DYNC1LI1: variants seen among roughly 807,000 people sequenced by gnomAD.
DYNC1LI1 encodes dynein cytoplasmic 1 light intermediate chain 1.
Under a neutral mutation model 63.8 loss-of-function variants are expected in DYNC1LI1, and 19 were observed. The observed-to-expected ratio is 0.30, with a 90% confidence interval of 0.21 to 0.44. DYNC1LI1 has a LOEUF of 0.44. Among genes scored for constraint, DYNC1LI1 ranks in the 20% least tolerant of loss-of-function variants. The pLI is 1.00. For synonymous variants in DYNC1LI1, 225 were observed against 232.3 expected, an observed-to-expected ratio of 0.97 and a Z score of 0.28; for missense variants, 565 against 630.2, an observed-to-expected ratio of 0.90 and a Z score of 1.11.
In DYNC1LI1 at chr3:32,544,812, A is replaced by G. The variant is rs145780872; in HGVS notation, c.568+64T>C. ...CCTTTTTTATAGTCAAAAATTCCTA[A>G]TGATTAAAGTCAGCCAAGACATTTT... On this transcript the variant is annotated intron_variant, in intron 4 of 12. Transcript: ENST00000273130. 120 of 1,181,352 alleles carry G rather than the reference A, an allele frequency of 1.0e-4. 3 individuals are homozygous for G. The African/African-American group carries it at 1.4e-3, about 14-fold the overall frequency. 73.2% of individuals were successfully genotyped at this position (1,181,352 alleles called of 1,614,324 possible).
At chr3:32,560,127 A>C in intron 2 of DYNC1LI1, among the ~76,000 whole-genome samples, 1 of 152,154 alleles carries the variant, frequency 6.6e-6, no homozygotes, top group Non-Finnish European at 1.5e-5. Flanking sequence ...GCGAAAAGAC[A>C]AACCCAATTT....
At chr3:32,552,634 A>G (rs1698058071) in intron 2 of DYNC1LI1, among the ~76,000 whole-genome samples, 1 of 152,142 alleles carries the variant, frequency 6.6e-6, no homozygotes, top group African/African-American at 2.4e-5. Context: ...AGTACCTAAA[A>G]AGCACATGTG....
chr3:32,538,808 T>G (rs188880045), intron 5 of DYNC1LI1, among the ~76,000 whole-genome samples: 68 of 151,776 alleles, frequency 4.5e-4, no homozygotes, highest in Admixed American at 8.5e-4. Context: ...ATTTCCGGAG[T>G]CTTTAAACTG....
intron 2 of DYNC1LI1, among the ~76,000 whole-genome samples, chr3:32,552,215 C>T (rs757232759): frequency 5.9e-5 from 9 of 152,158 alleles, no homozygotes; most frequent in Non-Finnish European, 8.8e-5. Context: ...ATATTACCTC[C>T]TCAGGTAGGC....
Position 32,562,273 on chromosome 3 carries a change from AAAAT to A in DYNC1LI1, c.220+8069_220+8072del, listed in dbSNP as rs951656648. Among the ~76,000 whole-genome samples, 73 of 152,268 alleles carry A rather than the reference AAAAT, an allele frequency of 4.8e-4. 1 individual carries two copies. Among genetic ancestry groups the A allele is most frequent in the African/African-American group, 1.7e-3 (69 of 41,560 alleles). ...GCAAGACTTTCTCTCTAAAACATAA[AAAAT>A]AAATAAATAAGAAAAAATGAACACT... is the stretch of plus-strand genomic sequence containing the variant. On this transcript the variant is annotated intron_variant, in intron 2 of 12. Transcript: ENST00000273130.
chr3:32,554,375 A>G (rs1044374279), intron 2 of DYNC1LI1, among the ~76,000 whole-genome samples: 1 of 152,248 alleles, frequency 6.6e-6, no homozygotes, highest in Admixed American at 6.5e-5. Context: ...GTAGTATGTT[A>G]AACATAGTAG....
intron 2 of DYNC1LI1, among the ~76,000 whole-genome samples, chr3:32,558,688 A>G (rs956528278): frequency 5.3e-5 from 8 of 152,064 alleles, no homozygotes; most frequent in African/African-American, 1.9e-4. Flanking sequence ...TCTACTAAAA[A>G]TACAAAATTA....
chr3:32,552,731 G>A (rs1310127888), intron 2 of DYNC1LI1, among the ~76,000 whole-genome samples: 3 of 152,084 alleles, frequency 2.0e-5, no homozygotes, highest in Admixed American at 2.0e-4. Context: ...CGTTGAGACG[G>A]AGTCTCCCTC....
chr3:32,527,779 T>C (rs759444087), intron 12 of DYNC1LI1, among the ~76,000 whole-genome samples: 27 of 151,936 alleles, frequency 1.8e-4, no homozygotes, highest in Non-Finnish European at 3.1e-4. Context: ...AGTAAACAGA[T>C]AAATGAAATG....
intron 2 of DYNC1LI1, among the ~76,000 whole-genome samples, chr3:32,563,512 G>A (rs1001221029): frequency 2.0e-5 from 3 of 151,936 alleles, no homozygotes; most frequent in Admixed American, 2.0e-4. Context: ...GGCTGGTCTC[G>A]AACTCATGAC....
chr3:32,533,727 G>T (rs1427822077), intron 7 of DYNC1LI1, among the ~76,000 whole-genome samples: 1 of 151,688 alleles, frequency 6.6e-6, no homozygotes, highest in Admixed American at 6.6e-5. Flanking sequence ...ACATCTGGCT[G>T]ATTTTTAAAT....
intron 2 of DYNC1LI1, among the ~76,000 whole-genome samples, chr3:32,546,609 A>G (rs1051990687): frequency 2.0e-5 from 3 of 151,968 alleles, no homozygotes; most frequent in Non-Finnish European, 4.4e-5. Flanking sequence ...GGAATAAAAG[A>G]CTCTTACTCT....
At chr3:32,567,531 T>TTTATTATTA (rs71295031) in intron 2 of DYNC1LI1, among the ~76,000 whole-genome samples, 9 of 148,024 alleles carry the variant, frequency 6.1e-5, no homozygotes, top group Admixed American at 5.4e-4. Flanking sequence ...TTTTATTTTA[T>TTTATTATTA]TTATTATTAT....
chr3:32,529,325 A>G (rs1050120989), intron 11 of DYNC1LI1, among the ~76,000 whole-genome samples: 2 of 152,120 alleles, frequency 1.3e-5, no homozygotes, highest in East Asian at 1.9e-4. Context: ...TTGATTAAAT[A>G]TAACAAAACT....
chr3:32,533,511 T>C (rs570292244), intron 7 of DYNC1LI1, among the ~76,000 whole-genome samples: 96 of 151,658 alleles, frequency 6.3e-4, no homozygotes, highest in African/African-American at 2.3e-3. Flanking sequence ...ATGTCATTAG[T>C]GTTAACTTGG....
chr3:32,554,298 AG>A (rs1698082011), intron 2 of DYNC1LI1, among the ~76,000 whole-genome samples: 1 of 152,218 alleles, frequency 6.6e-6, no homozygotes, highest in Non-Finnish European at 1.5e-5. Flanking sequence ...AGTACTCTGT[AG>A]ATGTGTTTTA....
rs745645491 is a variant in DYNC1LI1 at position 32,570,739 on chromosome 3, C to A, written c.32G>T (p.Gly11Val). ...CGAGGATAATCCCGGCGGAGAAGAA[C>A]CGAAGGAGCCGACTCGCCCCACGGC... MAAVGRVGSF[G>V]SSPPGLSSTY... The change falls in exon 1 of 13, where the codon GGT becomes GTT. Residue 11 changes from glycine to valine, a missense_variant. By Grantham distance (109) the Gly-to-Val change is moderately radical (BLOSUM62 -3). Transcript: ENST00000273130. The A allele has an allele frequency of 6.2e-6, 10 of 1,606,906 alleles. No homozygotes were observed. The South Asian group carries it at 8.8e-5, about 14-fold the overall frequency.
chr3:32,561,059 A>G (rs1698187623), intron 2 of DYNC1LI1, among the ~76,000 whole-genome samples: 1 of 150,284 alleles, frequency 6.7e-6, no homozygotes, highest in Admixed American at 6.6e-5. Flanking sequence ...CACACACACC[A>G]AAGAAAACAT....
At chr3:32,569,663 G>C (rs1416475706) in intron 2 of DYNC1LI1, among the ~76,000 whole-genome samples, 1 of 151,900 alleles carries the variant, frequency 6.6e-6, no homozygotes, top group Non-Finnish European at 1.5e-5. Context: ...CCCACCCCCA[G>C]AGTCACTAAA....
Sources: allele counts gnomAD v4.1 joint callset (sites outside exome capture counted in the v4.1 genomes callset), GRCh38; gene constraint gnomAD v4.1.1; transcripts MANE v1.5; gene names NCBI Gene and HGNC (gene_info 2026-07-23, HGNC 2026-07-21).